MICU1: variants seen among roughly 807,000 people sequenced by gnomAD.
MICU1 encodes mitochondrial calcium uptake 1, also known as calcium uptake protein 1, mitochondrial.
MICU1 carries 45 observed loss-of-function variants against 56.8 expected under a neutral mutation model. That is an observed-to-expected ratio of 0.79 (90% CI 0.62 to 1.02). The LOEUF (loss-of-function observed/expected upper bound fraction) is 1.02. Ranked by LOEUF, MICU1 falls within the 50% of genes least tolerant of loss-of-function variation. The pLI is 0.00. For synonymous variants in MICU1, 186 were observed against 195.1 expected, an observed-to-expected ratio of 0.95 and a Z score of 0.39; for missense variants, 504 against 587.1, an observed-to-expected ratio of 0.86 and a Z score of 1.46.
intron 6 of MICU1, 40 bp downstream of exon 6, chr10:72,508,115 A>G: frequency 9.8e-7 from 1 of 1,018,782 alleles, no homozygotes; most frequent in Non-Finnish European, 1.4e-6. Context: ...ATAGTCCTGT[A>G]TCTGCTCTAC....
At chr10:72,611,701 A>G (rs1841854572) in intron 1 of MICU1, among the ~76,000 whole-genome samples, 1 of 152,222 alleles carries the variant, frequency 6.6e-6, no homozygotes, top group Admixed American at 6.5e-5. Context: ...CAATACTCTC[A>G]AACACTGAGA....
intron 1 of MICU1, among the ~76,000 whole-genome samples, chr10:72,618,330 G>A (rs2132585301): frequency 3.3e-5 from 5 of 152,172 alleles, no homozygotes; most frequent in African/African-American, 1.2e-4. Flanking sequence ...AATTCCTGGG[G>A]TCAAGCAATC....
At chr10:72,590,395 C>A (rs1187858321) in intron 1 of MICU1, among the ~76,000 whole-genome samples, 1 of 152,052 alleles carries the variant, frequency 6.6e-6, no homozygotes, top group Non-Finnish European at 1.5e-5. Flanking sequence ...GACAGGCCAT[C>A]AAAATATGAA....
chr10:72,386,571 T>TG (rs1427243798), intron 10 of MICU1, among the ~76,000 whole-genome samples: 5 of 150,392 alleles, frequency 3.3e-5, no homozygotes, highest in Admixed American at 6.6e-5. Context: ...TTTTTTTTTT[T>TG]TTTTTTGATA....
intron 6 of MICU1, among the ~76,000 whole-genome samples, chr10:72,489,949 A>T (rs1866598944): frequency 1.3e-5 from 2 of 152,234 alleles, no homozygotes; most frequent in East Asian, 1.9e-4. Context: ...TCTTGGAAAC[A>T]AAAAACACCA....
intron 5 of MICU1, among the ~76,000 whole-genome samples, chr10:72,528,396 A>G (rs1173163335): frequency 6.6e-6 from 1 of 152,224 alleles, no homozygotes; most frequent in African/African-American, 2.4e-5. Flanking sequence ...CACAGATAAC[A>G]AGAAAGACTA....
chr10:72,424,316 T>C (rs754345147), intron 8 of MICU1, among the ~76,000 whole-genome samples: 11 of 152,158 alleles, frequency 7.2e-5, no homozygotes, highest in Non-Finnish European at 1.3e-4. Context: ...TTTCACCATG[T>C]TGGCCAGGCT....
intron 6 of MICU1, among the ~76,000 whole-genome samples, chr10:72,485,479 C>T (rs1866439072): frequency 1.3e-5 from 2 of 151,332 alleles, no homozygotes; most frequent in African/African-American, 4.9e-5. Context: ...ATATATATAA[C>T]CAGGATTATA....
intron 1 of MICU1, among the ~76,000 whole-genome samples, chr10:72,583,683 G>A (rs1161638205): frequency 6.6e-6 from 1 of 152,130 alleles, no homozygotes; most frequent in Non-Finnish European, 1.5e-5. Flanking sequence ...AATGTGTACT[G>A]TACAACTAAG....
At chr10:72,469,980 A>G (rs1445633312) in intron 8 of MICU1, among the ~76,000 whole-genome samples, 1 of 151,950 alleles carries the variant, frequency 6.6e-6, no homozygotes, top group Non-Finnish European at 1.5e-5. Flanking sequence ...TAATGCAATC[A>G]CCTCTTTAAA....
At chr10:72,438,614 GT>G (rs906999562) in intron 8 of MICU1, among the ~76,000 whole-genome samples, 16 of 152,088 alleles carry the variant, frequency 1.1e-4, no homozygotes, top group Non-Finnish European at 2.1e-4. Flanking sequence ...TCCAGGAGCT[GT>G]TTTTTTGAAA....
intron 1 of MICU1, among the ~76,000 whole-genome samples, chr10:72,615,087 TG>T (rs1315781102): frequency 7.6e-6 from 1 of 130,774 alleles, no homozygotes; most frequent in Non-Finnish European, 1.6e-5. Flanking sequence ...TGCTTCCTTG[TG>T]GTGTGGTTTT....
In MICU1 at chr10:72,583,469, T is replaced by C. The variant is rs182735181; in HGVS notation, c.-1-16675A>G. On this transcript the variant is annotated intron_variant, in intron 1 of 11. Transcript: ENST00000361114. The stretch of plus-strand genomic sequence containing the variant: ...CTAATTTTTGTATTTTTAGTAGAGA[T>C]GGGGTTTCACCATGTTGGCCAGGCT... Among the ~76,000 whole-genome samples, 1,176 of 152,062 alleles carry C rather than the reference T, an allele frequency of 7.7e-3. 16 individuals are homozygous for C. The highest frequency in any genetic ancestry group is 0.026 in the African/African-American group (1,062 of 41,498).
chr10:72,558,591 C>G (rs1044562287), intron 3 of MICU1, among the ~76,000 whole-genome samples: 1 of 152,056 alleles, frequency 6.6e-6, no homozygotes, highest in Non-Finnish European at 1.5e-5. Context: ...TCATTTAGAG[C>G]ATTTTCCGCA....
intron 8 of MICU1, among the ~76,000 whole-genome samples, chr10:72,431,269 T>C (rs1482093963): frequency 1.3e-5 from 2 of 152,146 alleles, no homozygotes; most frequent in Non-Finnish European, 2.9e-5. Context: ...TAGCAGGGAT[T>C]GCAGGCGAGC....
intron 5 of MICU1, among the ~76,000 whole-genome samples, chr10:72,527,516 C>T (rs1867999868): frequency 6.6e-6 from 1 of 152,092 alleles, no homozygotes; most frequent in Non-Finnish European, 1.5e-5. Flanking sequence ...GCATGCATCA[C>T]CACACCTGGC....
chr10:72,458,426 G>C (rs1232270750), intron 8 of MICU1, among the ~76,000 whole-genome samples: 1 of 152,054 alleles, frequency 6.6e-6, no homozygotes, highest in Non-Finnish European at 1.5e-5. Context: ...ACATCTCACT[G>C]ATCAATATAA....
At position 72,522,079 on chromosome 10, in the gene MICU1, A is replaced by C. The variant is rs905456804; in HGVS notation, c.537+11667T>G. 5.3e-5 allele frequency among the ~76,000 whole-genome samples: 8 copies of C among 152,142 alleles called. No individual in the cohort carries two copies. In the East Asian group the frequency reaches 1.3e-3, roughly 26 times the overall value. ...TGCAAATAAAGGACTATCCTCACAC[A>C]TTCTCTACAACCAAAGATTATAAAT... On this transcript the variant is annotated intron_variant, in intron 5 of 11. Transcript: ENST00000361114.
intron 7 of MICU1, 133 bp from the exon 8 acceptor site, chr10:72,475,430 AAC>A (rs1866086910): frequency 1.2e-6 from 1 of 862,198 alleles, no homozygotes; most frequent in African/African-American, 2.7e-5. Context: ...TAATGCTTAC[AAC>A]AATTTTTTTT....
Sources: gnomAD v4.1 joint callset for allele counts (sites outside exome capture counted in the v4.1 genomes callset) on GRCh38, gnomAD v4.1.1 for gene constraint, MANE v1.5 for transcripts, NCBI Gene and HGNC (gene_info 2026-07-23, HGNC 2026-07-21) for gene names.